KCNH1: variants seen among roughly 807,000 people sequenced by gnomAD.
KCNH1 encodes voltage-gated delayed rectifier potassium channel KCNH1.
KCNH1 carries 27 observed loss-of-function variants against 69.2 expected under a neutral mutation model. That is an observed-to-expected ratio of 0.39 (90% CI 0.29 to 0.54). KCNH1 has a LOEUF of 0.54. Among genes scored for constraint, KCNH1 ranks in the 20% least tolerant of loss-of-function variants. The pLI, the probability that KCNH1 is intolerant of heterozygous loss-of-function variation, is 0.68. For missense variants in KCNH1, 798 were observed against 1,261.6 expected (o/e 0.63, Z 5.57); for synonymous variants, 456 against 487.7 (o/e 0.93, Z 0.86).
At chr1:211,078,743 G>A (rs1378640917) in intron 5 of KCNH1, among the ~76,000 whole-genome samples, 3 of 151,908 alleles carry the variant, frequency 2.0e-5, no homozygotes, top group Admixed American at 6.6e-5. Context: ...TCAAAAGCTA[G>A]CAGAAGGCAA....
intron 6 of KCNH1, among the ~76,000 whole-genome samples, chr1:211,000,850 A>G (rs1351748374): frequency 6.6e-6 from 1 of 152,240 alleles, no homozygotes. Flanking sequence ...GCCCTCAGAA[A>G]TAATACCACA....
intron 7 of KCNH1, among the ~76,000 whole-genome samples, chr1:210,887,974 C>T (rs1261500666): frequency 6.6e-6 from 1 of 152,136 alleles, no homozygotes; most frequent in African/African-American, 2.4e-5. Flanking sequence ...GAGACTTTAA[C>T]ACCCCATTGT....
At chr1:210,897,583 C>G in intron 7 of KCNH1, among the ~76,000 whole-genome samples, 1 of 152,172 alleles carries the variant, frequency 6.6e-6, no homozygotes, top group East Asian at 1.9e-4. Context: ...GACAAGAGCC[C>G]TACTGTGATT....
chr1:210,952,992 A>G (rs1341069121), intron 6 of KCNH1, among the ~76,000 whole-genome samples: 1 of 152,172 alleles, frequency 6.6e-6, no homozygotes, highest in Non-Finnish European at 1.5e-5. Context: ...ATAATGTGCT[A>G]TTATAGCTGT....
chr1:211,107,346 T>C lies in KCNH1; in HGVS notation c.111A>G (p.Ile37Met). Reference protein sequence around the residue: ...DTNFVLGNAQIVDWPIVYSND... With the variant: ...DTNFVLGNAQMVDWPIVYSND... ...TGCTGTACACAATAGGCCAGTCCAC[T>C]ATCTGAGCATTCCCCAACACAAAAT... Residue 37 changes from isoleucine to methionine, a missense_variant, in exon 2 of 11, where the codon ATA (isoleucine) becomes ATG (methionine). Physicochemically the swap from Ile to Met is conservative, Grantham distance 10. This residue lies in a region of KCNH1 where 266 missense variants were observed against 457.2 expected (regional missense o/e 0.58). Coordinates refer to ENST00000271751, the MANE Select transcript of KCNH1 (RefSeq NM_172362.3). 6.2e-7 allele frequency: 1 copy of C among 1,610,298 alleles called. No homozygotes were observed. The highest frequency in any genetic ancestry group is 8.5e-7 in the Non-Finnish European group (1 of 1,179,082).
At chr1:211,084,730 G>A (rs978538742) in intron 4 of KCNH1, among the ~76,000 whole-genome samples, 3 of 152,104 alleles carry the variant, frequency 2.0e-5, no homozygotes, top group East Asian at 3.9e-4. Context: ...ATAAGTTTTC[G>A]CCCAAGTTCC....
Position 210,679,158 on chromosome 1 carries a change from G to C in KCNH1, c.*4123C>G, listed in dbSNP as rs74156019. 52 of 152,348 alleles carry C rather than the reference G, an allele frequency of 3.4e-4. No homozygotes were observed. Among genetic ancestry groups the C allele is most frequent in the African/African-American group, 1.2e-3 (48 of 41,562 alleles). 9.4% of individuals were successfully genotyped at this position (152,348 alleles called of 1,614,324 possible). On this transcript the variant is annotated 3_prime_UTR_variant, in exon 11 of 11. Transcript: ENST00000271751. ...GATCATGAAGTCTCCCCCAGGTGGA[G>C]GGCACAGGAGCTGGTGAAGGTAATT...
In KCNH1 at chr1:211,082,762, C is replaced by A; in HGVS notation, c.558+18G>T. 6.3e-7 allele frequency: 1 copy of A among 1,597,398 alleles called. No homozygotes were observed. The highest frequency in any genetic ancestry group is 1.1e-5 in the South Asian group (1 of 89,966). ...CCCTAAAAGTGAGGCTCAAGATGAG[C>A]TAACCCTTTGCCCTTACCTCTGCCA... On this transcript the variant is annotated intron_variant, in intron 5 of 10. Coordinates refer to ENST00000271751, the MANE Select transcript of KCNH1 (RefSeq NM_172362.3).
chr1:210,841,673 T>C (rs1255597341), intron 7 of KCNH1, among the ~76,000 whole-genome samples: 1 of 152,138 alleles, frequency 6.6e-6, no homozygotes, highest in Non-Finnish European at 1.5e-5. Flanking sequence ...ACTGCTATTA[T>C]TATACCCCAA....
Position 211,104,620 on chromosome 1 carries a change from A to G in KCNH1, c.204-1018T>C, listed in dbSNP as rs552127992. On this transcript the variant is annotated intron_variant, in intron 2 of 10. Transcript: ENST00000271751. ...GCACAGGAGACTAACAAAATGCCAGAGGAGGGGGAAAAAAACATCTTTCAA... is the reference window on the plus strand; with the variant it reads ...GCACAGGAGACTAACAAAATGCCAGGGGAGGGGGAAAAAAACATCTTTCAA... 1.4e-4 allele frequency among the ~76,000 whole-genome samples: 22 copies of G among 152,270 alleles called. 1 individual carries two copies. The South Asian group carries it at 4.6e-3, about 32-fold the overall frequency.
At position 210,739,089 on chromosome 1, in the gene KCNH1, A is replaced by G. The variant is rs557428827; in HGVS notation, c.2112+36259T>C. 4.6e-5 allele frequency among the ~76,000 whole-genome samples: 7 copies of G among 152,324 alleles called. No homozygotes were observed. In the South Asian group the frequency reaches 1.4e-3, roughly 32 times the overall value. ...CTCCATGAGAGTTCTAGTCAGACAG[A>G]TTGTCTTTCTACTGATATTCTAGGA... On this transcript the variant is annotated intron_variant, in intron 10 of 10. Coordinates refer to ENST00000271751, the MANE Select transcript of KCNH1 (RefSeq NM_172362.3).
intron 7 of KCNH1, among the ~76,000 whole-genome samples, chr1:210,884,714 C>A (rs1686566115): frequency 1.3e-5 from 2 of 152,316 alleles, no homozygotes; most frequent in East Asian, 1.9e-4. Context: ...GGCAGTCACT[C>A]CCCTACCAAA....
Position 211,123,190 on chromosome 1 carries a change from C to A in KCNH1, c.79+10677G>T, listed in dbSNP as rs79927235. Among the ~76,000 whole-genome samples, 1,404 of 152,212 alleles carry A rather than the reference C, an allele frequency of 9.2e-3. 27 individuals are homozygous for A. The highest frequency in any genetic ancestry group is 0.032 in the African/African-American group (1,344 of 41,514). ...CATATCACAAAACTCCATGTCCTAC[C>A]CCCTCCACCCAGGCCCCAGTCACAG... On this transcript the variant is annotated intron_variant, in intron 1 of 10. Coordinates refer to ENST00000271751, the MANE Select transcript of KCNH1 (RefSeq NM_172362.3).
At chr1:210,758,886 G>A (rs1308804544) in intron 10 of KCNH1, among the ~76,000 whole-genome samples, 1 of 152,078 alleles carries the variant, frequency 6.6e-6, no homozygotes, top group African/African-American at 2.4e-5. Context: ...TGTCCCTGCC[G>A]CTAACTGCCG....
chr1:211,022,621 C>T (rs1056836523), intron 5 of KCNH1, among the ~76,000 whole-genome samples: 3 of 152,092 alleles, frequency 2.0e-5, no homozygotes, highest in Non-Finnish European at 4.4e-5. Flanking sequence ...TTCAACTCAA[C>T]AGCAAAAATT....
intron 6 of KCNH1, among the ~76,000 whole-genome samples, chr1:210,965,189 C>T (rs564988351): frequency 1.7e-4 from 26 of 152,210 alleles, no homozygotes; most frequent in Non-Finnish European, 7.4e-5. Flanking sequence ...AAAACCAGCA[C>T]GAGACAAGGA....
chr1:210,721,788 TAAAGTA>T (rs1042686526), intron 10 of KCNH1, among the ~76,000 whole-genome samples: 1 of 148,634 alleles, frequency 6.7e-6, no homozygotes, highest in Admixed American at 6.8e-5. Context: ...CCCTAAAACT[TAAAGTA>T]TAATAAAAAT....
chr1:211,105,236 G>A (rs578232897), intron 2 of KCNH1, among the ~76,000 whole-genome samples: 2 of 152,288 alleles, frequency 1.3e-5, no homozygotes, highest in African/African-American at 4.8e-5. Context: ...CCCTGCCTGA[G>A]AATAAGAGGA....
At chr1:210,705,483 C>T (rs892137485) in intron 10 of KCNH1, among the ~76,000 whole-genome samples, 2 of 152,174 alleles carry the variant, frequency 1.3e-5, no homozygotes, top group East Asian at 1.9e-4. Flanking sequence ...GGCTGGCTGT[C>T]CCAGGAGCTG....
Sources: allele counts gnomAD v4.1 joint callset (sites outside exome capture counted in the v4.1 genomes callset), GRCh38; gene constraint gnomAD v4.1.1; regional missense constraint gnomAD v4.1.1; transcripts MANE v1.5; gene names NCBI Gene and HGNC (gene_info 2026-07-23, HGNC 2026-07-21).